The following HHIP variants were observed in gnomAD, a reference collection of about 807,000 sequenced individuals.
HHIP encodes the protein hedgehog interacting protein, also known as hedgehog-interacting protein.
A neutral mutation model predicts 74.0 loss-of-function variants in HHIP; 12 were observed. The ratio of observed to expected loss-of-function variants is 0.16; its 90% CI spans 0.10 to 0.26. HHIP has a LOEUF of 0.26. Ranked by LOEUF, HHIP falls within the 10% of genes least tolerant of loss-of-function variation. The pLI, the probability that HHIP is intolerant of heterozygous loss-of-function variation, is 1.00. For synonymous variants in HHIP, 309 were observed against 311.6 expected (o/e 0.99, Z 0.09); for missense variants, 788 against 845.0 (o/e 0.93, Z 0.84).
chr4:144,722,357 T>C (rs183811116), intron 11 of HHIP, among the ~76,000 whole-genome samples: 158 of 152,274 alleles, frequency 1.0e-3, no homozygotes, highest in African/African-American at 3.6e-3. Context: ...CAAAAATATA[T>C]AGAAGATGAT....
chr4:144,701,031 T>C (rs1244861146), intron 4 of HHIP, among the ~76,000 whole-genome samples: 1 of 152,188 alleles, frequency 6.6e-6, no homozygotes, highest in African/African-American at 2.4e-5. Context: ...TTTCATGATG[T>C]GTATCAGCAA....
chr4:144,662,828 G>C (rs1728751863), intron 4 of HHIP, among the ~76,000 whole-genome samples: 1 of 152,166 alleles, frequency 6.6e-6, no homozygotes, highest in Admixed American at 6.5e-5. Flanking sequence ...TGGGTGATTT[G>C]AAATCTTTAA....
At chr4:144,705,151 T>A (rs1290709902) in intron 4 of HHIP, among the ~76,000 whole-genome samples, 10 of 152,202 alleles carry the variant, frequency 6.6e-5, no homozygotes. Flanking sequence ...CTACTTTGGG[T>A]GATCTATACC....
rs544587987 is a variant in HHIP, at chr4:144,688,133, C to A, written c.832-18398C>A. Among the ~76,000 whole-genome samples, 3 of 152,278 alleles carry A rather than the reference C, an allele frequency of 2.0e-5. No homozygotes were observed. In the East Asian group the frequency reaches 5.8e-4, roughly 29 times the overall value. ...AAGAAATTTTGCTCTAGAATCAGCA[C>A]TGATTTTCAACTCTGCTGTCTTCTG... On this transcript the variant is annotated intron_variant, in intron 4 of 12. Coordinates refer to ENST00000296575, the MANE Select transcript of HHIP (RefSeq NM_022475.3).
chr4:144,711,713 A>T (rs775805710), intron 7 of HHIP, among the ~76,000 whole-genome samples: 2 of 152,244 alleles, frequency 1.3e-5, no homozygotes, highest in Non-Finnish European at 2.9e-5. Context: ...GCATATTTAT[A>T]ACATAAGAAA....
chr4:144,704,026 C>G (rs1170985099), intron 4 of HHIP, among the ~76,000 whole-genome samples: 3 of 152,136 alleles, frequency 2.0e-5, no homozygotes, highest in Admixed American at 2.0e-4. Context: ...TGTGAGCTCT[C>G]AATACATTAA....
At chr4:144,720,151 TATAGTG>T (rs1015396198) in intron 11 of HHIP, among the ~76,000 whole-genome samples, 12 of 152,200 alleles carry the variant, frequency 7.9e-5, no homozygotes, top group African/African-American at 2.9e-4. Context: ...ATCTATATAC[TATAGTG>T]ATTTTTTTTC....
intron 7 of HHIP, among the ~76,000 whole-genome samples, chr4:144,710,692 G>C (rs1392018425): frequency 6.6e-6 from 1 of 152,000 alleles, no homozygotes; most frequent in African/African-American, 2.4e-5. Flanking sequence ...GAACATTTTT[G>C]GTTTTCACAA....
intron 10 of HHIP, among the ~76,000 whole-genome samples, chr4:144,716,778 G>A (rs2126667668): frequency 6.8e-6 from 1 of 147,732 alleles, no homozygotes; most frequent in African/African-American, 2.5e-5. Flanking sequence ...GAACCCTGGA[G>A]GCGGAGGTTG....
chr4:144,690,502 G>A lies in HHIP; in HGVS notation c.832-16029G>A, dbSNP rs181623423. Among the ~76,000 whole-genome samples the A allele has an allele frequency of 1.1e-4, 16 of 152,312 alleles. No homozygotes were observed. The East Asian group carries it at 2.3e-3, about 22-fold the overall frequency. Reference sequence around the variant, plus strand: ...TCAACAAGTTATTCCATAGAAACTAGATGGGAACGATCTTCAAAGCAGAGG... The same window carrying A: ...TCAACAAGTTATTCCATAGAAACTAAATGGGAACGATCTTCAAAGCAGAGG... On this transcript the variant is annotated intron_variant, in intron 4 of 12. Transcript: ENST00000296575.
chr4:144,657,447 GATATATA>G (rs1728586906), intron 2 of HHIP, among the ~76,000 whole-genome samples: 1 of 151,990 alleles, frequency 6.6e-6, no homozygotes, highest in South Asian at 2.1e-4. Context: ...AAAAACTTTA[GATATATA>G]ATATAAAGTA....
rs563328984 is a variant in HHIP at position 144,712,436 on chromosome 4, T to A, written c.1423+365T>A. ...TTATATACAGAGAAAAAACAAGTGT[T>A]AAAAGTAAGACATTTCTCAATATCC... On this transcript the variant is annotated intron_variant, in intron 8 of 12. Coordinates refer to ENST00000296575, the MANE Select transcript of HHIP (RefSeq NM_022475.3). Among the ~76,000 whole-genome samples the A allele has an allele frequency of 9.8e-5, 15 of 152,324 alleles. No individual in the cohort carries two copies. The South Asian group carries it at 3.1e-3, about 32-fold the overall frequency.
At chr4:144,695,101 T>C (rs1729775808) in intron 4 of HHIP, among the ~76,000 whole-genome samples, 1 of 151,816 alleles carries the variant, frequency 6.6e-6, no homozygotes, top group Non-Finnish European at 1.5e-5. Context: ...TCTTCCTTAT[T>C]CCAAAGGAAA....
chr4:144,731,258 C>G (rs1434212000), intron 11 of HHIP, among the ~76,000 whole-genome samples: 1 of 152,094 alleles, frequency 6.6e-6, no homozygotes, highest in Non-Finnish European at 1.5e-5. Flanking sequence ...TAATTTCATT[C>G]ATTCAATAGA....
chr4:144,686,921 A>C (rs541420087), intron 4 of HHIP, among the ~76,000 whole-genome samples: 1 of 152,036 alleles, frequency 6.6e-6, no homozygotes, highest in Non-Finnish European at 1.5e-5. Context: ...ACCCTTAAAA[A>C]GAAAGACGCT....
chr4:144,714,467 C>T (rs1578718751), intron 9 of HHIP, 119 bp downstream of exon 9: 4 of 937,706 alleles, frequency 4.3e-6, no homozygotes, highest in Non-Finnish European at 6.5e-6. Flanking sequence ...ATGGGGAATA[C>T]ACATAAATAT....
chr4:144,692,558 T>G (rs1223800015), intron 4 of HHIP, among the ~76,000 whole-genome samples: 1 of 152,118 alleles, frequency 6.6e-6, no homozygotes, highest in East Asian at 1.9e-4. Context: ...TTTAGAGAGG[T>G]CTTTGCTAAC....
At position 144,738,009 on chromosome 4, in the gene HHIP, T is replaced by C. The variant is rs772375263; in HGVS notation, c.*52T>C. 6.9e-7 allele frequency: 1 copy of C among 1,449,654 alleles called. No homozygotes were observed. Among genetic ancestry groups the C allele is most frequent in the Non-Finnish European group, 9.1e-7 (1 of 1,101,384 alleles). 89.8% of individuals were successfully genotyped at this position (1,449,654 alleles called of 1,614,324 possible). A position where few individuals can be genotyped will look rare whatever the true frequency, so the allele number is the denominator to read the frequency against. Reference sequence around the variant, plus strand: ...TCCAATGGGCATTTATTTTTTATCCTGTCATTAAAAAAAAAAGACTGTTAT... The same window carrying C: ...TCCAATGGGCATTTATTTTTTATCCCGTCATTAAAAAAAAAAGACTGTTAT... On this transcript the variant is annotated 3_prime_UTR_variant, in exon 13 of 13. Transcript: ENST00000296575.
At position 144,659,849 on chromosome 4, in the gene HHIP, T is replaced by A. The variant is rs760429539; in HGVS notation, c.831+11T>A. On this transcript the variant is annotated intron_variant, in intron 4 of 12. Transcript: ENST00000296575. The stretch of plus-strand genomic sequence containing the variant: ...CAAAGTGGAATAAAGGTTGGCTTTT[T>A]AAATTTTATTTATTTTTGTGCTGGC... The A allele has an allele frequency of 1.9e-6, 3 of 1,595,278 alleles. No homozygotes were observed. The highest frequency in any genetic ancestry group is 1.3e-5 in the African/African-American group (1 of 74,420).
Sources: allele counts gnomAD v4.1 joint callset (sites outside exome capture counted in the v4.1 genomes callset), GRCh38; gene constraint gnomAD v4.1.1; transcripts MANE v1.5; gene names NCBI Gene and HGNC (gene_info 2026-07-23, HGNC 2026-07-21).